Variants in TAAR8 observed in about 807,000 individuals in gnomAD.
TAAR8 encodes the protein trace amine associated receptor 8.
For synonymous variants in TAAR8, 157 were observed against 152.7 expected, an observed-to-expected ratio of 1.03 and a Z score of -0.21; for missense variants, 459 against 405.8, an observed-to-expected ratio of 1.13 and a Z score of -1.13.
At position 132,552,997 on chromosome 6, in the gene TAAR8, A is replaced by C. The variant is rs776144316; in HGVS notation, c.305A>C (p.Lys102Thr). Residue 102 changes from lysine (K) to threonine (T), a missense_variant, in exon 1 of 1, where the codon AAA becomes ACA. Physicochemically the swap from Lys to Thr is moderately conservative, Grantham distance 78 (BLOSUM62 -1). Transcript: ENST00000275200. The stretch of plus-strand genomic sequence containing the variant: ...GAGAGCTGCTGGTATTTTGGAGCCA[A>C]ATTTTGTACTCTTCACAGTTGCTGT... The C allele has an allele frequency of 1.4e-5, 22 of 1,613,948 alleles. No homozygotes were observed. In the East Asian group the frequency reaches 4.7e-4, roughly 34 times the overall value.
At position 132,552,842 on chromosome 6, in the gene TAAR8, C is replaced by G. The variant is rs140210221; in HGVS notation, c.150C>G (p.Leu50=). The G allele has an allele frequency of 3.1e-6, 5 of 1,614,198 alleles. No individual in the cohort carries two copies. In the African/African-American group the frequency reaches 5.3e-5, roughly 17 times the overall value. Residue 50 remains leucine, a synonymous_variant, in exon 1 of 1, where the codon CTC becomes CTG. Transcript: ENST00000275200. The stretch of plus-strand genomic sequence containing the variant: ...CTTTGCTGGCTGTATTTGGAAATCT[C>G]TTAGTAATGACTTCTGTTCTTCATT...
At chr6:132,553,536 T>C (rs1237459410) in exon 1 of TAAR8, 1 of 1,614,078 alleles carries the variant, frequency 6.2e-7, no homozygotes, top group African/African-American at 1.3e-5. Flanking sequence ...AATTGATGCC[T>C]TTATGGGCTT....
At chr6:132,553,214 T>C (rs565162806) in exon 1 of TAAR8, 6 of 1,614,176 alleles carry the variant, frequency 3.7e-6, no homozygotes, top group Admixed American at 1.7e-5. Flanking sequence ...TCAATGATGA[T>C]GGGCTGGAGG....
At chr6:132,553,586 T>G (rs979797248) in exon 1 of TAAR8, 2 of 1,614,068 alleles carry the variant, frequency 1.2e-6, no homozygotes. Flanking sequence ...GCTGTTGGAG[T>G]GCTTATTATA....
exon 1 of TAAR8, chr6:132,553,131 G>A (rs753140767): frequency 6.2e-7 from 1 of 1,614,194 alleles, no homozygotes; most frequent in Non-Finnish European, 8.5e-7. Context: ...CACCGTGTCT[G>A]TGTCGGGAAT....
Position 132,553,187 on chromosome 6 carries a change from T to A in TAAR8, c.495T>A (p.Ala165=), listed in dbSNP as rs1008287233. 4 of 1,614,058 alleles carry A rather than the reference T, an allele frequency of 2.5e-6. No homozygotes were observed. In the African/African-American group the frequency reaches 5.3e-5, roughly 22 times the overall value. Residue 165 remains alanine, a synonymous_variant, in exon 1 of 1, where the codon GCT becomes GCA. Coordinates refer to ENST00000275200, the Ensembl canonical transcript of TAAR8. ...TTCTGCCTCTCACGTACAGCGGTGC[T>A]GTGTTCTACACAGGTGTCAATGATG...
chr6:132,553,116 A>C, exon 1 of TAAR8: 1 of 1,614,154 alleles, frequency 6.2e-7, no homozygotes, highest in East Asian at 2.2e-5. Flanking sequence ...CTATGCTACC[A>C]AGTTCACCGT....
At chr6:132,553,548 C>A (rs565002084) in exon 1 of TAAR8, 2 of 1,614,014 alleles carry the variant, frequency 1.2e-6, no homozygotes, top group Admixed American at 3.3e-5. Context: ...TATGGGCTTC[C>A]TGACCCCTGC....
chr6:132,553,156 C>G (rs780209885), exon 1 of TAAR8: 2 of 1,614,170 alleles, frequency 1.2e-6, no homozygotes, highest in Non-Finnish European at 1.7e-6. Context: ...ATCAGCGTGT[C>G]CTGGATTCTG....
At chr6:132,553,731 C>G, downstream of TAAR8, 1 of 1,422,654 alleles carries the variant, frequency 7.0e-7, no homozygotes, top group Non-Finnish European at 9.3e-7. Flanking sequence ...AGTTTAAGCA[C>G]TAAGTTGAGA....
exon 1 of TAAR8, chr6:132,553,425 A>G (rs1215729665): frequency 4.3e-6 from 7 of 1,614,226 alleles, no homozygotes; most frequent in Non-Finnish European, 5.9e-6. Context: ...AGAGAGTTAT[A>G]AAATCAGAGT....
At position 132,553,387 on chromosome 6, in the gene TAAR8, C is replaced by T. The variant is rs138465278; in HGVS notation, c.695C>T (p.Thr232Ile). 4 of 1,614,082 alleles carry T rather than the reference C, an allele frequency of 2.5e-6. No homozygotes were observed. The highest frequency in any genetic ancestry group is 3.4e-6 in the Non-Finnish European group (4 of 1,180,002). ...AAACAACAAGCTATAAAAATTGAAA[C>T]TACTAGTAGCAAAGTAGAATCATCC... The change falls in exon 1 of 1, where the codon ACT (threonine) becomes ATT (isoleucine). Residue 232 changes from threonine (T) to isoleucine (I), a missense_variant. Thr to Ile is a moderately conservative substitution (Grantham distance 89, BLOSUM62 -1). Transcript: ENST00000275200.
At position 132,553,125 on chromosome 6, in the gene TAAR8, G is replaced by A. The variant is rs148940676; in HGVS notation, c.433G>A (p.Val145Met). ...CCTGGTCTATGCTACCAAGTTCACCGTGTCTGTGTCGGGAATTTGCATCAG... is the reference window on the plus strand; with the variant it reads ...CCTGGTCTATGCTACCAAGTTCACCATGTCTGTGTCGGGAATTTGCATCAG... The change falls in exon 1 of 1, where the codon GTG (valine) becomes ATG (methionine). Residue 145 changes from valine (V) to methionine (M), a missense_variant. Physicochemically the swap from Val to Met is conservative, Grantham distance 21. Transcript: ENST00000275200. 1.7e-4 allele frequency: 274 copies of A among 1,614,134 alleles called. No homozygotes were observed. The African/African-American group carries it at 2.7e-3, about 16-fold the overall frequency.
At chr6:132,552,749 A>G in exon 1 of TAAR8, 1 of 1,614,140 alleles carries the variant, frequency 6.2e-7, no homozygotes, top group Non-Finnish European at 8.5e-7. Flanking sequence ...ATGTGAATGG[A>G]TCTTGTATTG....
exon 1 of TAAR8, chr6:132,552,714 C>T: frequency 6.2e-7 from 1 of 1,608,306 alleles, no homozygotes; most frequent in African/African-American, 1.3e-5. Context: ...TTTTTCCCAA[C>T]CTGTTGTGCA....
exon 1 of TAAR8, chr6:132,553,464 A>G: frequency 6.2e-7 from 1 of 1,614,086 alleles, no homozygotes; most frequent in Non-Finnish European, 8.5e-7. Context: ...AGCAGCTAAA[A>G]CCCTGGGGGT....
At chr6:132,552,916 G>A (rs1168432522) in exon 1 of TAAR8, 1 of 1,614,092 alleles carries the variant, frequency 6.2e-7, no homozygotes, top group East Asian at 2.2e-5. Flanking sequence ...TCTCTGGCCT[G>A]TGCTGACTTC....
chr6:132,552,761 A>G, exon 1 of TAAR8: 2 of 1,614,168 alleles, frequency 1.2e-6, no homozygotes, highest in Non-Finnish European at 1.7e-6. Flanking sequence ...CTTGTATTGA[A>G]ACTCCCTATT....
At chr6:132,552,999 T>G (rs1317805441) in exon 1 of TAAR8, 5 of 1,614,098 alleles carry the variant, frequency 3.1e-6, no homozygotes, top group Non-Finnish European at 3.4e-6. Flanking sequence ...TGGAGCCAAA[T>G]TTTGTACTCT....
Sources: gnomAD v4.1 joint callset for allele counts on GRCh38, gnomAD v4.1.1 for gene constraint, MANE v1.5 for transcripts, NCBI Gene and HGNC (gene_info 2026-07-23, HGNC 2026-07-21) for gene names.